Variants in CCDC14 observed in about 807,000 individuals in gnomAD.
The protein encoded by CCDC14 is coiled-coil domain containing 14, also known as coiled-coil domain-containing protein 14.
In CCDC14, 71 loss-of-function variants were observed where a neutral mutation model predicts 81.4. The observed-to-expected ratio is 0.87, with a 90% CI of 0.72 to 1.06. The LOEUF is 1.06. Ranked by LOEUF, CCDC14 falls within the 50% of genes least tolerant of loss-of-function variation. The pLI, the probability that CCDC14 is intolerant of heterozygous loss-of-function variation, is 0.00. For missense variants in CCDC14, 1,046 were observed against 1,047.3 expected, an observed-to-expected ratio of 1.00 and a Z score of 0.02; for synonymous variants, 332 against 364.8, an observed-to-expected ratio of 0.91 and a Z score of 1.03.
At chr3:123,928,870 T>C (rs532954492) in intron 12 of CCDC14, among the ~76,000 whole-genome samples, 3 of 152,196 alleles carry the variant, frequency 2.0e-5, no homozygotes, top group Non-Finnish European at 4.4e-5. Context: ...CTACTAATAC[T>C]TAATTTGCGT....
chr3:123,924,552 A>G (rs2035246539), intron 12 of CCDC14, among the ~76,000 whole-genome samples: 1 of 152,182 alleles, frequency 6.6e-6, no homozygotes, highest in Admixed American at 6.5e-5. Context: ...TAAGGGGTTA[A>G]TATTCAAAAT....
intron 12 of CCDC14, among the ~76,000 whole-genome samples, chr3:123,921,757 A>C (rs934108816): frequency 1.4e-5 from 2 of 140,234 alleles, no homozygotes; most frequent in African/African-American, 4.9e-5. Flanking sequence ...AAAATTTGTC[A>C]AAAAAAAATC....
In CCDC14 at chr3:123,937,678, C is replaced by T. The variant is rs564602892; in HGVS notation, c.1344-3923G>A. Among the ~76,000 whole-genome samples, 23 of 151,898 alleles carry T rather than the reference C, an allele frequency of 1.5e-4. No homozygotes were observed. In the East Asian group the frequency reaches 3.9e-3, roughly 26 times the overall value. ...AAGTTTTAAATTTTGATGAAGTCCA[C>T]TTTACTCATTTTTTTCTAGTTTATA... On this transcript the variant is annotated intron_variant, in intron 9 of 12. Coordinates refer to ENST00000409697, the MANE Select transcript of CCDC14 (RefSeq NM_001366335.1).
intron 5 of CCDC14, among the ~76,000 whole-genome samples, chr3:123,906,430 GAA>G (rs146524573): frequency 1.1e-4 from 15 of 140,840 alleles, no homozygotes; most frequent in African/African-American, 3.9e-4. Flanking sequence ...ACAAAGAAAT[GAA>G]AAAAAAAAGG....
Position 123,934,143 on chromosome 3 carries a change from C to T in CCDC14, c.1344-388G>A, listed in dbSNP as rs568162080. 3.9e-5 allele frequency among the ~76,000 whole-genome samples: 6 copies of T among 151,984 alleles called. No individual in the cohort carries two copies. The East Asian group carries it at 9.7e-4, about 25-fold the overall frequency. On this transcript the variant is annotated intron_variant, in intron 9 of 12. Transcript: ENST00000409697. ...CAAAAATTAGCTGGGCGTAGTGGCG[C>T]GTGCCTGTAATCCCAGCTACTTGGG... is the stretch of plus-strand genomic sequence containing the variant.
chr3:123,938,997 T>G (rs1302892090), intron 9 of CCDC14, among the ~76,000 whole-genome samples: 2 of 151,982 alleles, frequency 1.3e-5, no homozygotes, highest in African/African-American at 4.8e-5. Context: ...TATGTATAGA[T>G]TCAATGTTCA....
chr3:123,921,018 C>T (rs1577237109), intron 12 of CCDC14, among the ~76,000 whole-genome samples: 1 of 151,894 alleles, frequency 6.6e-6, no homozygotes, highest in African/African-American at 2.4e-5. Flanking sequence ...TTATGTAAAC[C>T]TCAGGGTAAC....
chr3:123,895,476 A>G (rs1313857080), downstream of CCDC14, among the ~76,000 whole-genome samples: 1 of 152,212 alleles, frequency 6.6e-6, no homozygotes, highest in Non-Finnish European at 1.5e-5. Flanking sequence ...AAAGTCTGCT[A>G]GTTCTCAAGT....
intron 2 of CCDC14, 82 bp from the exon 3 acceptor site, chr3:123,956,509 A>G: frequency 1.9e-6 from 2 of 1,032,140 alleles, no homozygotes. Flanking sequence ...TCCAGCAAAG[A>G]CAAGAAAGCT....
rs1577340165 is a variant in CCDC14, at chr3:123,955,964, A to C, written c.231T>G (p.Gly77=). The change falls in exon 5 of 13, where the codon GGT becomes GGG. Residue 77 remains glycine, a splice_region_variant and synonymous_variant. Transcript: ENST00000409697. ...LRDILRNEDS[G]SETAYLENRS... is the part of the protein sequence containing the mutation. ...TGTTTTCTAAATATGCTGTTTCTGA[A>C]CCTATTAATAAAACAAAAATTTGTT... The C allele has an allele frequency of 1.3e-6, 2 of 1,527,770 alleles. No individual in the cohort carries two copies. Among genetic ancestry groups the C allele is most frequent in the Non-Finnish European group, 1.8e-6 (2 of 1,136,122 alleles). 94.6% of individuals were successfully genotyped at this position (1,527,770 alleles called of 1,614,324 possible).
downstream of CCDC14, among the ~76,000 whole-genome samples, chr3:123,912,338 C>T (rs2034466905): frequency 6.6e-6 from 1 of 152,146 alleles, no homozygotes; most frequent in Non-Finnish European, 1.5e-5. Flanking sequence ...AATGCTGACT[C>T]CTGCTGAGAT....
At chr3:123,921,801 T>G (rs924789815) in intron 12 of CCDC14, among the ~76,000 whole-genome samples, 3 of 152,224 alleles carry the variant, frequency 2.0e-5, no homozygotes, top group African/African-American at 7.2e-5. Context: ...TGAATTTGTG[T>G]TGAGCCACAT....
At chr3:123,933,118 AAACAAACAAAC>A (rs2035839963) in intron 10 of CCDC14, among the ~76,000 whole-genome samples, 2 of 131,534 alleles carry the variant, frequency 1.5e-5, no homozygotes, top group Admixed American at 8.4e-5. Context: ...ACAAACAAAC[AAACAAACAAAC>A]AAAGCTGACA....
intron 5 of CCDC14, among the ~76,000 whole-genome samples, chr3:123,900,132 T>C (rs79258979): frequency 6.6e-6 from 1 of 152,190 alleles, no homozygotes; most frequent in East Asian, 1.9e-4. Flanking sequence ...AATAAATACA[T>C]TTATTGCATT....
chr3:123,886,669 T>C, the CCDC14 span, among the ~76,000 whole-genome samples: 1 of 152,186 alleles, frequency 6.6e-6, no homozygotes, highest in African/African-American at 2.4e-5. Flanking sequence ...GTGCTGGGAT[T>C]ACAGGCATGA....
downstream of CCDC14, among the ~76,000 whole-genome samples, chr3:123,911,834 T>A (rs532275536): frequency 6.6e-6 from 1 of 152,204 alleles, no homozygotes; most frequent in African/African-American, 2.4e-5. Context: ...GGTTTTACAA[T>A]GCTGCCCTAC....
intron 5 of CCDC14, among the ~76,000 whole-genome samples, chr3:123,906,130 C>T (rs956205862): frequency 2.6e-5 from 4 of 151,976 alleles, no homozygotes; most frequent in Non-Finnish European, 5.9e-5. Flanking sequence ...GAGATCGAGA[C>T]CATCCTGGCT....
At chr3:123,932,009 T>C (rs151046613) in intron 10 of CCDC14, among the ~76,000 whole-genome samples, 86 of 152,306 alleles carry the variant, frequency 5.6e-4, no homozygotes, top group African/African-American at 2.0e-3. Flanking sequence ...CCCATAAGAC[T>C]GTTGTATACA....
At chr3:123,957,633 C>T (rs1390312722) in intron 1 of CCDC14, 1 of 151,962 alleles carries the variant, frequency 6.6e-6, no homozygotes, top group Non-Finnish European at 1.5e-5. Context: ...AAAAAATAAG[C>T]ATTTGCTTTT....
Sources: allele counts gnomAD v4.1 joint callset (sites outside exome capture counted in the v4.1 genomes callset), GRCh38; gene constraint gnomAD v4.1.1; transcripts MANE v1.5; gene names NCBI Gene and HGNC (gene_info 2026-07-23, HGNC 2026-07-21).